Variants in CD72 observed in about 807,000 individuals in gnomAD.
CD72 encodes the protein B-cell differentiation antigen CD72.
CD72 carries 28 observed loss-of-function variants against 50.7 expected under a neutral mutation model. The observed-to-expected ratio is 0.55, with a 90% CI of 0.41 to 0.76. The LOEUF (loss-of-function observed/expected upper bound fraction) is 0.76. Among genes scored for constraint, CD72 ranks in the 30% least tolerant of loss-of-function variants. CD72 has a pLI of 0.00. For missense variants in CD72, 403 were observed against 420.6 expected, an observed-to-expected ratio of 0.96 and a Z score of 0.37; for synonymous variants, 176 against 171.2, an observed-to-expected ratio of 1.03 and a Z score of -0.22.
chr9:35,614,683 G>A (rs1212419929), intron 5 of CD72, among the ~76,000 whole-genome samples: 1 of 152,096 alleles, frequency 6.6e-6, no homozygotes, highest in Non-Finnish European at 1.5e-5. Flanking sequence ...TGCCCATCAG[G>A]TACACTAGAA....
intron 1 of CD72, among the ~76,000 whole-genome samples, chr9:35,638,001 A>G (rs1180228420): frequency 1.3e-5 from 2 of 152,034 alleles, no homozygotes; most frequent in African/African-American, 2.4e-5. Flanking sequence ...TAAATGCCTT[A>G]TTTTCTTCTG....
At chr9:35,617,574 T>C (rs990656537) in intron 2 of CD72, among the ~76,000 whole-genome samples, 1 of 151,790 alleles carries the variant, frequency 6.6e-6, no homozygotes, top group African/African-American at 2.4e-5. Context: ...CTCTTTTCCC[T>C]CCCATGGCTC....
At chr9:35,626,069 C>T (rs986257544) in intron 1 of CD72, among the ~76,000 whole-genome samples, 14 of 151,690 alleles carry the variant, frequency 9.2e-5, no homozygotes, top group African/African-American at 3.4e-4. Flanking sequence ...AAGGCTACAG[C>T]TGCCATAGGG....
Position 35,617,224 on chromosome 9 carries a change from C to T in CD72, c.214G>A (p.Ala72Thr), listed in dbSNP as rs1165993078. The change falls in exon 3 of 9, where the codon GCG (alanine) becomes ACG (threonine). Residue 72 changes from alanine to threonine, a missense_variant. Coordinates refer to ENST00000259633, the MANE Select transcript of CD72 (RefSeq NM_001782.3). ...GGTGACGTCACGGCTCTCCAGGACG[C>T]AGTTGGCTGCTCCGACTTGACCGCT... ...KAAVKSEQPT[A>T]SWRAVTSPAV... is the part of the protein sequence containing the mutation. The T allele has an allele frequency of 1.3e-6, 2 of 1,565,428 alleles. No individual in the cohort carries two copies. The highest frequency in any genetic ancestry group is 1.7e-6 in the Non-Finnish European group (2 of 1,154,692).
intron 1 of CD72, among the ~76,000 whole-genome samples, chr9:35,624,855 T>G (rs1479289229): frequency 1.3e-5 from 2 of 152,214 alleles, no homozygotes; most frequent in Non-Finnish European, 2.9e-5. Flanking sequence ...ATTTTTGATG[T>G]TAATATTGTC....
At chr9:35,641,783 C>T (rs974047190) in intron 1 of CD72, among the ~76,000 whole-genome samples, 4 of 151,998 alleles carry the variant, frequency 2.6e-5, no homozygotes, top group Non-Finnish European at 4.4e-5. Context: ...CTTTCCTTTC[C>T]TTTGTGGTGA....
intron 4 of CD72, 96 bp downstream of exon 4, chr9:35,616,504 G>A (rs1823065915): frequency 9.3e-7 from 1 of 1,080,296 alleles, no homozygotes; most frequent in Admixed American, 1.8e-5. Context: ...GGTGGTGGTA[G>A]TGACTATGAT....
intron 1 of CD72, among the ~76,000 whole-genome samples, chr9:35,630,313 C>T (rs1563898900): frequency 6.6e-6 from 1 of 152,204 alleles, no homozygotes; most frequent in Admixed American, 6.5e-5. Context: ...GCTGGGATTA[C>T]AGGCATGAGC....
At chr9:35,630,679 C>T (rs999162723) in intron 1 of CD72, among the ~76,000 whole-genome samples, 1 of 152,040 alleles carries the variant, frequency 6.6e-6, no homozygotes, top group Non-Finnish European at 1.5e-5. Context: ...GGTTCAAATC[C>T]CAGCTCTGAG....
chr9:35,625,294 G>C (rs1310652618), intron 1 of CD72, among the ~76,000 whole-genome samples: 1 of 152,230 alleles, frequency 6.6e-6, no homozygotes, highest in Non-Finnish European at 1.5e-5. Flanking sequence ...CGTTTGAGTG[G>C]TCTGGATAGA....
chr9:35,613,860 C>G (rs1823028613), intron 5 of CD72, among the ~76,000 whole-genome samples: 1 of 151,910 alleles, frequency 6.6e-6, no homozygotes, highest in Non-Finnish European at 1.5e-5. Context: ...CAAAAAATAC[C>G]CAGGCACCAT....
At chr9:35,624,218 AATAAT>A (rs1823173995), upstream of CD72, among the ~76,000 whole-genome samples, 4 of 4,386 alleles carry the variant, frequency 9.1e-4, no homozygotes, top group Non-Finnish European at 1.9e-3. Context: ...TCTCAAAAAT[AATAAT>A]AATAATAATA....
Position 35,613,003 on chromosome 9 carries a change from A to T in CD72, c.689-10T>A. 1 of 1,604,250 alleles carries T rather than the reference A, an allele frequency of 6.2e-7. No homozygotes were observed. Among genetic ancestry groups the T allele is most frequent in the Non-Finnish European group, 8.5e-7 (1 of 1,173,566 alleles). On this transcript the variant is annotated splice_polypyrimidine_tract_variant and intron_variant, in intron 5 of 8. Coordinates refer to ENST00000259633, the MANE Select transcript of CD72 (RefSeq NM_001782.3). ...GACGGACAGCAGGTGTCTAAAAAGC[A>T]GAAAGAGTGTGATAGCAGCAACAGT...
In CD72 at chr9:35,615,918, TCTCTC is replaced by T. The variant is rs747471224; in HGVS notation, c.688+20_688+24del. On this transcript the variant is annotated intron_variant, in intron 5 of 8. Coordinates refer to ENST00000259633, the MANE Select transcript of CD72 (RefSeq NM_001782.3). ...TCCTTGCTCCAATCCATCCCTCCCT[TCTCTC>T]CTCTCCCCAGAGCGGATACCTGCTG... is the stretch of plus-strand genomic sequence containing the variant. 1 of 1,582,242 alleles carries T rather than the reference TCTCTC, an allele frequency of 6.3e-7. No individual in the cohort carries two copies. The highest frequency in any genetic ancestry group is 1.7e-5 in the Admixed American group (1 of 59,712).
At chr9:35,620,427 A>C (rs897031677), upstream of CD72, among the ~76,000 whole-genome samples, 1 of 149,410 alleles carries the variant, frequency 6.7e-6, no homozygotes, top group South Asian at 2.1e-4. Context: ...CCAAGATCAC[A>C]CCATTGCACT....
upstream of CD72, among the ~76,000 whole-genome samples, chr9:35,623,406 T>C (rs1350096740): frequency 1.3e-5 from 2 of 152,198 alleles, no homozygotes; most frequent in African/African-American, 2.4e-5. Flanking sequence ...GGCTGCCACA[T>C]AGAACTGTAG....
intron 1 of CD72, among the ~76,000 whole-genome samples, chr9:35,632,422 G>C (rs570894022): frequency 6.6e-6 from 1 of 151,658 alleles, no homozygotes; most frequent in Non-Finnish European, 1.5e-5. Flanking sequence ...CGCCCGCCTC[G>C]GCCTCCCAAA....
upstream of CD72, chr9:35,618,435 T>C: frequency 6.5e-7 from 1 of 1,536,646 alleles, no homozygotes; most frequent in Non-Finnish European, 8.7e-7. Flanking sequence ...ATTGGCCCTG[T>C]GACTTCCAGT....
intron 1 of CD72, among the ~76,000 whole-genome samples, chr9:35,639,598 G>C (rs12376740): frequency 0.41 from 61,685 of 152,018 alleles, 13,273 homozygotes; most frequent in Non-Finnish European, 0.47. Flanking sequence ...AAATGACAAA[G>C]TGTAACATCC....
Sources: gnomAD v4.1 joint callset for allele counts (sites outside exome capture counted in the v4.1 genomes callset) on GRCh38, gnomAD v4.1.1 for gene constraint, MANE v1.5 for transcripts, NCBI Gene and HGNC (gene_info 2026-07-23, HGNC 2026-07-21) for gene names.